MTRR: variants seen among roughly 807,000 people sequenced by gnomAD.
MTRR encodes methionine synthase reductase.
In MTRR, 63 loss-of-function variants were observed where a neutral mutation model predicts 79.2. The ratio of observed to expected loss-of-function variants is 0.80; its 90% CI spans 0.65 to 0.98. The LOEUF (loss-of-function observed/expected upper bound fraction) is 0.98. Among genes scored for constraint, MTRR ranks in the 50% least tolerant of loss-of-function variants. The pLI is 0.00. For missense variants in MTRR, 895 were observed against 839.6 expected, an observed-to-expected ratio of 1.07 and a Z score of -0.82; for synonymous variants, 355 against 313.3, an observed-to-expected ratio of 1.13 and a Z score of -1.41.
chr5:7,869,200 G>C lies in MTRR; in HGVS notation c.-41G>C, dbSNP rs112175362. On this transcript the variant is annotated 5_prime_UTR_variant, in exon 1 of 15. Coordinates refer to ENST00000440940, the MANE Select transcript of MTRR (RefSeq NM_002454.3). ...AGTCGCGTTGTGCAGGTTCGTGCCC[G>C]GCTGGCGCGGCGTGGGTAAGCTGCC... is the stretch of plus-strand genomic sequence containing the variant. The C allele has an allele frequency of 4.2e-5, 67 of 1,608,814 alleles. No homozygotes were observed. In the African/African-American group the frequency reaches 8.0e-4, roughly 19 times the overall value.
upstream of MTRR, chr5:7,867,828 C>T: frequency 6.2e-7 from 1 of 1,614,180 alleles, no homozygotes; most frequent in Non-Finnish European, 8.5e-7. Context: ...CTGTCGCAGT[C>T]AGATACTTGA....
upstream of MTRR, chr5:7,868,156 A>G (rs3733781): frequency 0.059 from 45,094 of 767,916 alleles, 2,452 homozygotes; most frequent in East Asian, 0.23. Flanking sequence ...TGAGAACATG[A>G]TTGACCCAAC....
intron 1 of MTRR, among the ~76,000 whole-genome samples, chr5:7,858,333 A>T (rs1561086521): frequency 6.6e-6 from 1 of 152,140 alleles, no homozygotes; most frequent in African/African-American, 2.4e-5. Flanking sequence ...TAAATCATCT[A>T]ATTACCCAGA....
intron 1 of MTRR, chr5:7,861,545 G>T: frequency 2.1e-6 from 3 of 1,405,920 alleles, no homozygotes; most frequent in Non-Finnish European, 9.5e-7. Context: ...TAGCCTCAAC[G>T]AGTCTTGTAA....
chr5:7,879,852 C>T (rs982242162), intron 5 of MTRR, among the ~76,000 whole-genome samples: 7 of 152,182 alleles, frequency 4.6e-5, no homozygotes, highest in African/African-American at 4.8e-5. Context: ...GACCTGTTAA[C>T]GAGCACTGTC....
At chr5:7,862,984 A>T in intron 2 of MTRR, 3 of 1,613,764 alleles carry the variant, frequency 1.9e-6, no homozygotes, top group Non-Finnish European at 2.5e-6. Context: ...ATATTTAGGA[A>T]GGAGTTTTGG....
rs776958306 is a variant in MTRR at position 7,870,776 on chromosome 5, T to A, written c.-19T>A. On this transcript the variant is annotated 5_prime_UTR_variant, in exon 2 of 15. Transcript: ENST00000440940. ...TTTTTCCCCCATTTTTCAGTTTCAC[T>A]GTTACATGCCTTGAAGTGATGAGGA... is the stretch of plus-strand genomic sequence containing the variant. 1.4e-5 allele frequency: 22 copies of A among 1,614,098 alleles called. No homozygotes were observed. The highest frequency in any genetic ancestry group is 1.4e-5 in the Non-Finnish European group (17 of 1,180,042).
Position 7,856,604 on chromosome 5 carries a change from A to G in MTRR, n.391+5019A>G, listed in dbSNP as rs118189506. On this transcript the variant is annotated intron_variant and non_coding_transcript_variant, in intron 1 of 3. Transcript: ENST00000502509. The stretch of plus-strand genomic sequence containing the variant: ...CTTACAAGACGTGTCTCATTTCACT[A>G]TCTACACTAAGTATTTAGACTCCAA... Among the ~76,000 whole-genome samples the G allele has an allele frequency of 2.7e-3, 405 of 152,204 alleles. 8 individuals are homozygous for G. In the East Asian group the frequency reaches 0.048, roughly 18 times the overall value.
intron 12 of MTRR, 91 bp from the exon 13 acceptor site, chr5:7,896,773 T>G: frequency 1.0e-6 from 1 of 978,910 alleles, no homozygotes; most frequent in South Asian, 1.3e-5. Context: ...TACAAATCCG[T>G]CTGAGTTTGT....
chr5:7,896,703 A>T, intron 12 of MTRR, 161 bp from the exon 13 acceptor site: 1 of 674,446 alleles, frequency 1.5e-6, no homozygotes. Context: ...TGGCCATGAC[A>T]GCCTGTGGAG....
chr5:7,873,512 G>C lies in MTRR; in HGVS notation c.269G>C (p.Arg90Pro). 6.2e-7 allele frequency: 1 copy of C among 1,613,980 alleles called. No homozygotes were observed. Among genetic ancestry groups the C allele is most frequent in the Non-Finnish European group, 8.5e-7 (1 of 1,179,986 alleles). ...CCGGTTGATTTCTTTGCTCACCTGC[G>C]GTATGGGTTACTGGGTAATGGACTC... ...TLPVDFFAHL[R>P]YGLLGLGDSE... The change falls in exon 3 of 15, where the codon CGG (arginine) becomes CCG (proline). Residue 90 changes from arginine to proline, a missense_variant. Coordinates refer to ENST00000440940, the MANE Select transcript of MTRR (RefSeq NM_002454.3).
At chr5:7,869,433 G>A in intron 1 of MTRR, 1 of 578,656 alleles carries the variant, frequency 1.7e-6, no homozygotes, top group Middle Eastern at 4.7e-4. Context: ...TGGGCTCGGC[G>A]TCGGCCTCTG....
rs1748682572 is a variant in MTRR, at chr5:7,875,283, C to T, written c.309C>T (p.Tyr103=). The part of the protein sequence containing the change: ...LLGLGDSEYT[Y]FCNGGKIIDK... Reference sequence around the variant, plus strand: ...GTCTCGGTGATTCAGAATACACCTACTTTTGCAATGGGGGGAAGATAATTG... The same window carrying T: ...GTCTCGGTGATTCAGAATACACCTATTTTTGCAATGGGGGGAAGATAATTG... The change falls in exon 4 of 15, where the codon TAC becomes TAT. Residue 103 remains tyrosine (Y), a synonymous_variant. Coordinates refer to ENST00000440940, the MANE Select transcript of MTRR (RefSeq NM_002454.3). 2 of 1,613,512 alleles carry T rather than the reference C, an allele frequency of 1.2e-6. No individual in the cohort carries two copies. The highest frequency in any genetic ancestry group is 1.7e-6 in the Non-Finnish European group (2 of 1,179,694).
At chr5:7,866,019 G>A, upstream of MTRR, 1 of 1,485,710 alleles carries the variant, frequency 6.7e-7, no homozygotes, top group Non-Finnish European at 9.4e-7. Flanking sequence ...AGTTACGTCT[G>A]AATTGAGGTA....
intron 2 of MTRR, chr5:7,862,765 C>A: frequency 6.9e-7 from 1 of 1,440,094 alleles, no homozygotes. Context: ...TCCCATATAT[C>A]TCCAAAATCG....
chr5:7,871,443 C>T (rs936154273), intron 2 of MTRR, among the ~76,000 whole-genome samples: 1 of 152,194 alleles, frequency 6.6e-6, no homozygotes, highest in African/African-American at 2.4e-5. Flanking sequence ...TGCAGAAGTT[C>T]CTACCTTAGG....
chr5:7,866,313 C>CAAA (rs35385669), upstream of MTRR, among the ~76,000 whole-genome samples: 2 of 140,414 alleles, frequency 1.4e-5, no homozygotes, highest in Admixed American at 7.0e-5. Flanking sequence ...ACCATCCTCT[C>CAAA]AAAAAAAAAA....
At chr5:7,854,716 A>G (rs534122332) in intron 1 of MTRR, among the ~76,000 whole-genome samples, 1 of 152,190 alleles carries the variant, frequency 6.6e-6, no homozygotes, top group Admixed American at 6.5e-5. Context: ...CATGAGAATT[A>G]TGGAGATTTG....
At chr5:7,870,558 T>C (rs1426777357) in intron 1 of MTRR, 2 of 552,028 alleles carry the variant, frequency 3.6e-6, no homozygotes, top group East Asian at 3.3e-5. Context: ...TTCTGAGCCA[T>C]GGAATTAGAG....
Sources: gnomAD v4.1 joint callset for allele counts (sites outside exome capture counted in the v4.1 genomes callset) on GRCh38, gnomAD v4.1.1 for gene constraint, MANE v1.5 for transcripts, NCBI Gene and HGNC (gene_info 2026-07-23, HGNC 2026-07-21) for gene names.